The following PPFIBP1 variants were observed in gnomAD, a reference collection of about 807,000 sequenced individuals.
The protein encoded by PPFIBP1 is liprin-beta-1.
PPFIBP1 carries 112 observed loss-of-function variants against 137.8 expected under a neutral mutation model. That is an observed-to-expected ratio of 0.81 (90% CI 0.70 to 0.95). The LOEUF is 0.95. Among genes scored for constraint, PPFIBP1 ranks in the 40% least tolerant of loss-of-function variants. PPFIBP1 has a pLI of 0.00. For synonymous variants in PPFIBP1, 378 were observed against 417.3 expected (o/e 0.91, Z 1.15); for missense variants, 1,083 against 1,196.6 (o/e 0.91, Z 1.40).
chr12:27,611,741 G>A (rs1401851252), intron 2 of PPFIBP1, among the ~76,000 whole-genome samples: 4 of 151,026 alleles, frequency 2.6e-5, no homozygotes, highest in Admixed American at 6.6e-5. Flanking sequence ...TCCCAGATCC[G>A]ACCCACCAGA....
chr12:27,692,907 G>T lies in PPFIBP1; in HGVS notation c.*25G>T. The T allele has an allele frequency of 6.2e-7, 1 of 1,613,554 alleles. No homozygotes were observed. The highest frequency in any genetic ancestry group is 8.5e-7 in the Non-Finnish European group (1 of 1,179,816). ...ACCGTAGCACCTGGATGAACATTAG[G>T]AGTGCTTAGTCTTTTTTCTACTTGC... On this transcript the variant is annotated 3_prime_UTR_variant, in exon 30 of 30. Transcript: ENST00000228425.
At chr12:27,666,948 A>T (rs528615114) in intron 12 of PPFIBP1, among the ~76,000 whole-genome samples, 1 of 152,300 alleles carries the variant, frequency 6.6e-6, no homozygotes, top group Non-Finnish European at 1.5e-5. Flanking sequence ...TTAATATCAC[A>T]GGTAGCCATT....
intron 1 of PPFIBP1, among the ~76,000 whole-genome samples, chr12:27,571,949 T>C (rs1164809020): frequency 1.3e-5 from 2 of 152,150 alleles, no homozygotes; most frequent in Non-Finnish European, 2.9e-5. Context: ...ATAGAACATA[T>C]TTCAGGACAT....
chr12:27,640,588 C>A (rs1383370246), intron 4 of PPFIBP1, among the ~76,000 whole-genome samples: 1 of 140,218 alleles, frequency 7.1e-6, no homozygotes, highest in Admixed American at 7.2e-5. Context: ...TGTACCCGCC[C>A]CCCACCCCCG....
intron 2 of PPFIBP1, among the ~76,000 whole-genome samples, chr12:27,611,290 T>C (rs989430312): frequency 1.3e-5 from 2 of 152,162 alleles, no homozygotes; most frequent in Non-Finnish European, 2.9e-5. Context: ...AAAGGTTGGG[T>C]CCTTCTGAGG....
intron 2 of PPFIBP1, among the ~76,000 whole-genome samples, chr12:27,594,647 C>A (rs1341526529): frequency 2.6e-5 from 4 of 152,166 alleles, no homozygotes; most frequent in African/African-American, 9.7e-5. Flanking sequence ...TGTCCTATTA[C>A]AGTTTTAAGA....
chr12:27,635,134 A>G lies in PPFIBP1; in HGVS notation c.270+19A>G. 1.2e-6 allele frequency: 2 copies of G among 1,612,396 alleles called. No individual in the cohort carries two copies. The highest frequency in any genetic ancestry group is 1.7e-6 in the Non-Finnish European group (2 of 1,178,402). On this transcript the variant is annotated intron_variant, in intron 4 of 29. Coordinates refer to ENST00000228425, the MANE Select transcript of PPFIBP1 (RefSeq NM_003622.4). ...TCAAATGGTAGGGTCTGCCTGTTCC[A>G]AATTCTGTTATAAATCCTTTGTTGC...
intron 1 of PPFIBP1, among the ~76,000 whole-genome samples, chr12:27,530,155 T>C (rs1196866452): frequency 1.3e-5 from 2 of 150,514 alleles, no homozygotes; most frequent in Non-Finnish European, 3.0e-5. Context: ...CGTTATCTTT[T>C]TCTAAAGATG....
chr12:27,594,113 G>A, intron 2 of PPFIBP1: 1 of 884,126 alleles, frequency 1.1e-6, no homozygotes, highest in Non-Finnish European at 1.5e-6. Context: ...GAAAAAGTAG[G>A]TGGGACCGGG....
chr12:27,672,475 T>G lies in PPFIBP1; in HGVS notation c.1311T>G (p.Asp437Glu). 2 of 1,603,528 alleles carry G rather than the reference T, an allele frequency of 1.2e-6. No individual in the cohort carries two copies. The highest frequency in any genetic ancestry group is 1.7e-6 in the Non-Finnish European group (2 of 1,170,984). ...LGATVDTQLC[D>E]KLLTSSLQKS... Reference sequence around the variant, plus strand: ...CCACTGTTGATACCCAACTGTGTGATAAACTTTTGTAAGTTACATTTTATT... The same window carrying G: ...CCACTGTTGATACCCAACTGTGTGAGAAACTTTTGTAAGTTACATTTTATT... The change falls in exon 15 of 30, where the codon GAT (aspartate) becomes GAG (glutamate). Residue 437 changes from aspartate to glutamate, a missense_variant. Asp to Glu is a conservative substitution (Grantham distance 45). Coordinates refer to ENST00000228425, the MANE Select transcript of PPFIBP1 (RefSeq NM_003622.4).
At chr12:27,576,839 T>C (rs1353736512) in intron 1 of PPFIBP1, among the ~76,000 whole-genome samples, 2 of 152,236 alleles carry the variant, frequency 1.3e-5, no homozygotes, top group Admixed American at 1.3e-4. Flanking sequence ...GTGAAATCGC[T>C]GTGCCCATGG....
chr12:27,641,698 T>C (rs1045504167), intron 4 of PPFIBP1, among the ~76,000 whole-genome samples: 11 of 152,282 alleles, frequency 7.2e-5, no homozygotes, highest in African/African-American at 2.6e-4. Context: ...CACCCACCTC[T>C]AAATACGGGG....
At chr12:27,535,633 G>A (rs7975462) in intron 1 of PPFIBP1, among the ~76,000 whole-genome samples, 25,515 of 151,978 alleles carry the variant, frequency 0.17, 2,394 homozygotes, top group Middle Eastern at 0.26. Context: ...TCCTGGACTC[G>A]AGCAATCCTC....
intron 27 of PPFIBP1, 129 bp from the exon 28 acceptor site, chr12:27,691,620 G>A (rs1283497476): frequency 6.4e-6 from 4 of 621,660 alleles, no homozygotes; most frequent in Non-Finnish European, 1.1e-5. Context: ...TCTCTACCAT[G>A]GGGTAAATAA....
intron 4 of PPFIBP1, among the ~76,000 whole-genome samples, chr12:27,640,140 C>T (rs1412294531): frequency 6.6e-6 from 1 of 152,162 alleles, no homozygotes; most frequent in African/African-American, 2.4e-5. Context: ...TTCACAGACA[C>T]AGAAAAACAA....
Position 27,682,704 on chromosome 12 carries a change from G to C in PPFIBP1, c.2247+1G>C, listed in dbSNP as rs745830464. The C allele has an allele frequency of 1.2e-6, 2 of 1,614,084 alleles. No homozygotes were observed. The highest frequency in any genetic ancestry group is 2.2e-5 in the South Asian group (2 of 91,062). On this transcript the variant is annotated splice_donor_variant, in intron 24 of 29. Transcript: ENST00000228425. LOFTEE classifies it high-confidence loss of function. The stretch of plus-strand genomic sequence containing the variant: ...TCGAATGCTACATTACATGACTGTT[G>C]TAAGTGACTCACTCCTGGGGTTTGG...
At chr12:27,636,169 A>G (rs981559587) in intron 4 of PPFIBP1, 1 of 152,182 alleles carries the variant, frequency 6.6e-6, no homozygotes, top group African/African-American at 2.4e-5. Context: ...CCTGTGCTGA[A>G]TACTCTGTGT....
At chr12:27,631,494 T>C (rs1440091088) in intron 2 of PPFIBP1, among the ~76,000 whole-genome samples, 4 of 152,232 alleles carry the variant, frequency 2.6e-5, no homozygotes. Flanking sequence ...TTTCCCTGAC[T>C]AGTACATGTA....
In PPFIBP1 at chr12:27,665,650, A is replaced by G. The variant is rs1049638652; in HGVS notation, c.991+1204A>G. Among the ~76,000 whole-genome samples, 7 of 152,220 alleles carry G rather than the reference A, an allele frequency of 4.6e-5. No individual in the cohort carries two copies. The East Asian group carries it at 1.3e-3, about 29-fold the overall frequency. ...AAATTTGAAAGTGCTCTTGTTTTTT[A>G]GCAATGCATAAATAGAGTTATTTGC... On this transcript the variant is annotated intron_variant, in intron 12 of 29. Coordinates refer to ENST00000228425, the MANE Select transcript of PPFIBP1 (RefSeq NM_003622.4).
Sources: gnomAD v4.1 joint callset for allele counts (sites outside exome capture counted in the v4.1 genomes callset) on GRCh38, gnomAD v4.1.1 for gene constraint, MANE v1.5 for transcripts, NCBI Gene and HGNC (gene_info 2026-07-23, HGNC 2026-07-21) for gene names.